Variants in MCPH1 observed in about 807,000 individuals in gnomAD.
MCPH1 encodes the protein microcephalin 1, also known as microcephalin.
In MCPH1, 104 loss-of-function variants were observed where a neutral mutation model predicts 84.5. The observed-to-expected ratio is 1.23, with a 90% CI of 1.05 to 1.45. The LOEUF is 1.45. MCPH1 is among the 40% of genes most tolerant of loss of function. The pLI, the probability that MCPH1 is intolerant of heterozygous loss-of-function variation, is 0.00. For synonymous variants in MCPH1, 514 were observed against 366.8 expected (o/e 1.40, Z -4.58); for missense variants, 1,498 against 1,005.7 (o/e 1.49, Z -6.62).
At position 6,457,987 on chromosome 8, in the gene MCPH1, C is replaced by T. The variant is rs117675190; in HGVS notation, c.1935+2735C>T. Among the ~76,000 whole-genome samples the T allele has an allele frequency of 1.2e-3, 185 of 152,200 alleles. 3 individuals are homozygous for T. In the East Asian group the frequency reaches 0.03, roughly 24 times the overall value. On this transcript the variant is annotated intron_variant, in intron 9 of 13. Transcript: ENST00000344683. ...GCTGGTGTCATTAATATGGGGTGCACCCTGGCCACTAGGATTTTTTTAAAC... is the reference window on the plus strand; with the variant it reads ...GCTGGTGTCATTAATATGGGGTGCATCCTGGCCACTAGGATTTTTTTAAAC...
intron 11 of MCPH1, among the ~76,000 whole-genome samples, chr8:6,488,702 A>G (rs1451682264): frequency 6.6e-6 from 1 of 152,164 alleles, no homozygotes; most frequent in African/African-American, 2.4e-5. Flanking sequence ...GTAGGGCCCC[A>G]GTATGGCTGT....
chr8:6,466,853 G>C (rs1009371004), intron 9 of MCPH1, among the ~76,000 whole-genome samples: 1 of 152,200 alleles, frequency 6.6e-6, no homozygotes, highest in African/African-American at 2.4e-5. Context: ...TGGGATTACA[G>C]GGTTGAGCCA....
At chr8:6,618,460 A>G (rs1831084727) in intron 12 of MCPH1, 1 of 152,234 alleles carries the variant, frequency 6.6e-6, no homozygotes, top group Non-Finnish European at 1.5e-5. Flanking sequence ...CATTACAAAA[A>G]GGTTTATTTA....
intron 12 of MCPH1, among the ~76,000 whole-genome samples, chr8:6,509,795 G>A (rs537919009): frequency 6.6e-6 from 1 of 152,288 alleles, no homozygotes; most frequent in East Asian, 1.9e-4. Flanking sequence ...TTCCTTAAAT[G>A]TGCTCGGAAC....
At chr8:6,613,859 C>T (rs1053277424) in intron 12 of MCPH1, among the ~76,000 whole-genome samples, 4 of 152,124 alleles carry the variant, frequency 2.6e-5, no homozygotes, top group African/African-American at 9.7e-5. Flanking sequence ...TTTTGATCGC[C>T]AAGGGAGAAG....
intron 12 of MCPH1, among the ~76,000 whole-genome samples, chr8:6,527,002 A>C (rs1818460844): frequency 6.6e-6 from 1 of 152,224 alleles, no homozygotes; most frequent in African/African-American, 2.4e-5. Context: ...TGGATCATAA[A>C]ATGTGCATTG....
intron 9 of MCPH1, among the ~76,000 whole-genome samples, chr8:6,469,677 C>A (rs547534656): frequency 6.6e-6 from 1 of 152,124 alleles, no homozygotes; most frequent in African/African-American, 2.4e-5. Flanking sequence ...GATAGCTAAA[C>A]CCAAAAGATT....
chr8:6,530,889 T>C (rs933067776), intron 12 of MCPH1, among the ~76,000 whole-genome samples: 6 of 152,240 alleles, frequency 3.9e-5, no homozygotes, highest in African/African-American at 1.4e-4. Context: ...GCTTATGGCA[T>C]CTCCCCTCTC....
At chr8:6,472,228 A>G (rs1807819000) in intron 9 of MCPH1, among the ~76,000 whole-genome samples, 1 of 152,246 alleles carries the variant, frequency 6.6e-6, no homozygotes, top group African/African-American at 2.4e-5. Context: ...GAATAGACCA[A>G]GAATATCACA....
chr8:6,513,303 A>T (rs1815544083), intron 12 of MCPH1, among the ~76,000 whole-genome samples: 2 of 151,676 alleles, frequency 1.3e-5, no homozygotes, highest in Non-Finnish European at 2.9e-5. Context: ...TCACCCAGCA[A>T]ACCTTTTAAT....
intron 12 of MCPH1, among the ~76,000 whole-genome samples, chr8:6,591,826 A>G (rs1454258812): frequency 1.3e-5 from 2 of 152,160 alleles, no homozygotes; most frequent in African/African-American, 4.8e-5. Context: ...GGCATACTCT[A>G]TATTTGTTGA....
At chr8:6,576,974 C>T (rs1158933362) in intron 12 of MCPH1, among the ~76,000 whole-genome samples, 2 of 152,124 alleles carry the variant, frequency 1.3e-5, no homozygotes, top group Non-Finnish European at 2.9e-5. Flanking sequence ...CCTGCCCATT[C>T]TGCGGAATTC....
chr8:6,624,165 T>A (rs961277450), intron 13 of MCPH1, among the ~76,000 whole-genome samples: 1 of 152,250 alleles, frequency 6.6e-6, no homozygotes, highest in Non-Finnish European at 1.5e-5. Context: ...AATGTCTACC[T>A]GCTTAATCCT....
intron 12 of MCPH1, among the ~76,000 whole-genome samples, chr8:6,586,852 G>A (rs17077619): frequency 0.24 from 37,163 of 152,048 alleles, 4,686 homozygotes; most frequent in East Asian, 0.4. Flanking sequence ...GAATCCTGTC[G>A]CTGGCTTTAG....
At chr8:6,449,947 G>A (rs1804897650) in intron 8 of MCPH1, among the ~76,000 whole-genome samples, 1 of 152,190 alleles carries the variant, frequency 6.6e-6, no homozygotes, top group Non-Finnish European at 1.5e-5. Flanking sequence ...TTTCACGAAG[G>A]AGACACAGTT....
chr8:6,621,371 G>A lies in MCPH1; in HGVS notation c.2215-83G>A, dbSNP rs1442068898. ...TTCAGTCTATTCTTTTCATAAAAAAGGAAGTAAACTGCAACAGTTCGCCTA... is the reference window on the plus strand; with the variant it reads ...TTCAGTCTATTCTTTTCATAAAAAAAGAAGTAAACTGCAACAGTTCGCCTA... On this transcript the variant is annotated intron_variant, in intron 12 of 13. Coordinates refer to ENST00000344683, the MANE Select transcript of MCPH1 (RefSeq NM_024596.5). 22 of 1,523,158 alleles carry A rather than the reference G, an allele frequency of 1.4e-5. No individual in the cohort carries two copies. The East Asian group carries it at 4.7e-4, about 33-fold the overall frequency. The allele number at this position is 1,523,158 out of a possible 1,614,324, so 94.4% of individuals were successfully genotyped here. A position where few individuals can be genotyped will look rare whatever the true frequency, so the allele number is the denominator to read the frequency against.
rs1159352964 is a variant in MCPH1 at position 6,570,303 on chromosome 8, TAA to T, written c.2215-51150_2215-51149del. ...GGCCCGATATATTTAGAGTACAAGT[TAA>T]GTGTCATCCCCTTAGAATTGGGCAT... is the stretch of plus-strand genomic sequence containing the variant. On this transcript the variant is annotated intron_variant, in intron 12 of 13. Transcript: ENST00000344683. Among the ~76,000 whole-genome samples, 3 of 152,230 alleles carry T rather than the reference TAA, an allele frequency of 2.0e-5. No individual in the cohort carries two copies. In the East Asian group the frequency reaches 5.8e-4, roughly 29 times the overall value.
chr8:6,568,556 G>T (rs770069994), intron 12 of MCPH1, among the ~76,000 whole-genome samples: 8 of 152,160 alleles, frequency 5.3e-5, no homozygotes, highest in Non-Finnish European at 8.8e-5. Flanking sequence ...CCTGACCCAG[G>T]CCCGGGGTCG....
chr8:6,536,121 A>G (rs1820443599), intron 12 of MCPH1, among the ~76,000 whole-genome samples: 1 of 152,192 alleles, frequency 6.6e-6, no homozygotes, highest in Non-Finnish European at 1.5e-5. Context: ...AAGTCATTAA[A>G]TTAAGGTTTT....
Sources: gnomAD v4.1 joint callset for allele counts (sites outside exome capture counted in the v4.1 genomes callset) on GRCh38, gnomAD v4.1.1 for gene constraint, MANE v1.5 for transcripts, NCBI Gene and HGNC (gene_info 2026-07-23, HGNC 2026-07-21) for gene names.